PAK5: variants seen among roughly 807,000 people sequenced by gnomAD.
PAK5 encodes the protein p21 (RAC1) activated kinase 5, also known as serine/threonine-protein kinase PAK 5.
A neutral mutation model predicts 65.9 loss-of-function variants in PAK5; 16 were observed. The observed-to-expected ratio is 0.24, with a 90% CI of 0.16 to 0.37. The LOEUF (loss-of-function observed/expected upper bound fraction) is 0.37. Among genes scored for constraint, PAK5 ranks in the 10% least tolerant of loss-of-function variants. PAK5 has a pLI of 1.00. For synonymous variants in PAK5, 371 were observed against 354.9 expected (o/e 1.05, Z -0.51); for missense variants, 785 against 903.9 (o/e 0.87, Z 1.69).
chr20:9,736,636 A>G (rs139167837), intron 1 of PAK5, among the ~76,000 whole-genome samples: 1 of 152,330 alleles, frequency 6.6e-6, no homozygotes, highest in East Asian at 1.9e-4. Context: ...TTTCAAGATC[A>G]CAGAGGATTG....
chr20:9,755,439 C>T (rs2048622965), intron 1 of PAK5, among the ~76,000 whole-genome samples: 2 of 152,174 alleles, frequency 1.3e-5, no homozygotes, highest in Non-Finnish European at 2.9e-5. Flanking sequence ...AAATAAATGC[C>T]TCATAGGGCT....
At chr20:9,804,857 T>G (rs895441027) in intron 1 of PAK5, among the ~76,000 whole-genome samples, 3 of 152,136 alleles carry the variant, frequency 2.0e-5, no homozygotes, top group African/African-American at 7.2e-5. Flanking sequence ...AGGACCAGCC[T>G]GGGCAACACA....
At chr20:9,814,068 G>T (rs2049328330) in intron 1 of PAK5, among the ~76,000 whole-genome samples, 1 of 151,994 alleles carries the variant, frequency 6.6e-6, no homozygotes, top group Non-Finnish European at 1.5e-5. Context: ...AATGAGCCAG[G>T]TCCATCAGGT....
intron 1 of PAK5, among the ~76,000 whole-genome samples, chr20:9,781,553 T>C (rs58428549): frequency 0.021 from 3,224 of 152,250 alleles, 79 homozygotes; most frequent in African/African-American, 0.057. Context: ...TAGACATCAC[T>C]TGGAGCACTC....
At chr20:9,809,365 A>T in intron 1 of PAK5, among the ~76,000 whole-genome samples, 1 of 139,894 alleles carries the variant, frequency 7.1e-6, no homozygotes, top group Non-Finnish European at 1.5e-5. Context: ...CAGGCTCATC[A>T]TGATAATGAC....
At chr20:9,596,526 C>A (rs1354780809) in intron 3 of PAK5, among the ~76,000 whole-genome samples, 1 of 150,130 alleles carries the variant, frequency 6.7e-6, no homozygotes, top group Non-Finnish European at 1.5e-5. Context: ...GTCCCAGCTA[C>A]TCGGGAGGCT....
intron 2 of PAK5, among the ~76,000 whole-genome samples, chr20:9,646,506 C>T (rs2047136635): frequency 6.6e-6 from 1 of 152,148 alleles, no homozygotes; most frequent in Non-Finnish European, 1.5e-5. Context: ...ACAAGTAGGT[C>T]AATAAATACA....
In PAK5 at chr20:9,538,934, A is replaced by G. The variant is rs2045212670; in HGVS notation, c.*528T>C. 1 of 233,250 alleles carries G rather than the reference A, an allele frequency of 4.3e-6. No homozygotes were observed. The highest frequency in any genetic ancestry group is 5.6e-5 in the Admixed American group (1 of 17,786). 14.4% of individuals were successfully genotyped at this position (233,250 alleles called of 1,614,324 possible). ...GGAAAGGCTTTGTTCAAACTCCTCT[A>G]GTAAACAAGTATTACTTCAACTGAT... On this transcript the variant is annotated 3_prime_UTR_variant, in exon 10 of 10. Coordinates refer to ENST00000353224, the MANE Select transcript of PAK5 (RefSeq NM_177990.4).
At chr20:9,689,645 G>A (rs565136028) in intron 2 of PAK5, among the ~76,000 whole-genome samples, 9 of 152,178 alleles carry the variant, frequency 5.9e-5, no homozygotes, top group African/African-American at 7.2e-5. Flanking sequence ...AAGCTATTTC[G>A]GTAACTTGAA....
At chr20:9,671,140 T>A (rs1195660734) in intron 2 of PAK5, among the ~76,000 whole-genome samples, 1 of 152,188 alleles carries the variant, frequency 6.6e-6, no homozygotes, top group Non-Finnish European at 1.5e-5. Context: ...TATATGTCTG[T>A]TTTGGTACCA....
At chr20:9,570,130 T>G (rs2045753105) in intron 4 of PAK5, among the ~76,000 whole-genome samples, 1 of 152,180 alleles carries the variant, frequency 6.6e-6, no homozygotes, top group Non-Finnish European at 1.5e-5. Context: ...CTTCCTTTGG[T>G]CACTGAACTC....
At chr20:9,704,034 G>C (rs1215695761) in intron 2 of PAK5, among the ~76,000 whole-genome samples, 4 of 152,152 alleles carry the variant, frequency 2.6e-5, no homozygotes, top group Non-Finnish European at 5.9e-5. Context: ...TTCCAGGGTG[G>C]TTTAAGGGAA....
intron 1 of PAK5, among the ~76,000 whole-genome samples, chr20:9,719,483 A>G (rs2048189118): frequency 6.6e-6 from 1 of 152,160 alleles, no homozygotes; most frequent in Non-Finnish European, 1.5e-5. Context: ...CAATAGAAGA[A>G]TTGAGTTTCT....
chr20:9,599,009 A>G (rs2046317240), intron 3 of PAK5, among the ~76,000 whole-genome samples: 1 of 152,126 alleles, frequency 6.6e-6, no homozygotes, highest in Non-Finnish European at 1.5e-5. Context: ...GAAACTTTGT[A>G]CCCATTAAAC....
chr20:9,595,570 C>T (rs767990089), intron 3 of PAK5, among the ~76,000 whole-genome samples: 7 of 152,218 alleles, frequency 4.6e-5, no homozygotes, highest in Non-Finnish European at 7.3e-5. Flanking sequence ...ACACACACAT[C>T]AGAAGAGACT....
chr20:9,674,920 T>C (rs1357573170), intron 2 of PAK5, among the ~76,000 whole-genome samples: 1 of 152,134 alleles, frequency 6.6e-6, no homozygotes, highest in Non-Finnish European at 1.5e-5. Flanking sequence ...TGGCTGAGAG[T>C]AATGCCTCAG....
intron 1 of PAK5, among the ~76,000 whole-genome samples, chr20:9,836,656 T>A (rs1979171759): frequency 6.6e-6 from 1 of 152,178 alleles, no homozygotes; most frequent in Non-Finnish European, 1.5e-5. Flanking sequence ...GGTAACTTGT[T>A]ATAACTGCCC....
intron 1 of PAK5, among the ~76,000 whole-genome samples, chr20:9,712,541 A>G (rs1020464918): frequency 2.0e-5 from 3 of 152,162 alleles, no homozygotes; most frequent in Non-Finnish European, 4.4e-5. Flanking sequence ...GCAGAAACAC[A>G]AAAGACTCCG....
intron 1 of PAK5, among the ~76,000 whole-genome samples, chr20:9,790,306 GTTTGCTTGTCAGAGAGC>G (rs1569089000): frequency 6.6e-6 from 1 of 151,998 alleles, no homozygotes; most frequent in African/African-American, 2.4e-5. Flanking sequence ...AATCAGATTT[GTTTGCTTGTCAGAGAGC>G]AAACAGTATA....
Sources: allele counts gnomAD v4.1 joint callset (sites outside exome capture counted in the v4.1 genomes callset), GRCh38; gene constraint gnomAD v4.1.1; transcripts MANE v1.5; gene names NCBI Gene and HGNC (gene_info 2026-07-23, HGNC 2026-07-21).